The following ENPP1 variants were observed in gnomAD, a reference collection of about 807,000 sequenced individuals.
ENPP1 encodes ectonucleotide pyrophosphatase/phosphodiesterase family member 1.
In ENPP1, 73 loss-of-function variants were observed where a neutral mutation model predicts 122.8. That is an observed-to-expected ratio of 0.59 (90% CI 0.49 to 0.72). The LOEUF is 0.72. ENPP1 is among the 30% of genes least tolerant of loss of function. ENPP1 has a pLI of 0.00. For synonymous variants in ENPP1, 367 were observed against 391.6 expected (o/e 0.94, Z 0.74); for missense variants, 978 against 1,128.1 (o/e 0.87, Z 1.91).
chr6:131,836,834 T>C (rs915434566), intron 1 of ENPP1, among the ~76,000 whole-genome samples: 2 of 152,220 alleles, frequency 1.3e-5, no homozygotes, highest in Admixed American at 1.3e-4. Context: ...TTATGGAAAG[T>C]GCGGTACTGG....
intron 1 of ENPP1, among the ~76,000 whole-genome samples, chr6:131,835,346 G>C (rs771048518): frequency 1.1e-4 from 17 of 152,100 alleles, no homozygotes; most frequent in Admixed American, 2.6e-4. Flanking sequence ...CTTTGAGTCT[G>C]TTCTTCAAAT....
intron 19 of ENPP1, among the ~76,000 whole-genome samples, chr6:131,879,309 C>G (rs1782272481): frequency 6.6e-6 from 1 of 152,118 alleles, no homozygotes; most frequent in African/African-American, 2.4e-5. Context: ...ACTATATGTT[C>G]ATGGAAATAG....
At position 131,847,831 on chromosome 6, in the gene ENPP1, C is replaced by A; in HGVS notation, c.296C>A (p.Pro99Gln). 1 of 1,606,772 alleles carries A rather than the reference C, an allele frequency of 6.2e-7. No individual in the cohort carries two copies. The highest frequency in any genetic ancestry group is 8.5e-7 in the Non-Finnish European group (1 of 1,176,018). The change falls in exon 2 of 25, where the codon CCA becomes CAA. Residue 99 changes from proline to glutamine, a missense_variant. Coordinates refer to ENST00000647893, the MANE Select transcript of ENPP1 (RefSeq NM_006208.3). ...TILGCIFGLK[P>Q]SCAKEVKSCK... The stretch of plus-strand genomic sequence containing the variant: ...CTTGGTTGTATATTTGGGTTGAAAC[C>A]AAGCTGTGCCAAAGAAGGTAATTAG...
chr6:131,845,496 G>A (rs558429999), intron 1 of ENPP1, among the ~76,000 whole-genome samples: 21 of 133,406 alleles, frequency 1.6e-4, no homozygotes, highest in Non-Finnish European at 3.1e-4. Flanking sequence ...TTGCTCTGTC[G>A]CCCAGGCTGG....
intron 14 of ENPP1, 92 bp from the exon 15 acceptor site, chr6:131,872,831 T>G (rs1782179459): frequency 7.8e-7 from 1 of 1,285,564 alleles, no homozygotes; most frequent in Non-Finnish European, 1.1e-6. Context: ...TAGGGAAATA[T>G]CTTTCCCTAA....
chr6:131,881,974 C>T (rs967036818), intron 20 of ENPP1, among the ~76,000 whole-genome samples: 4 of 151,912 alleles, frequency 2.6e-5, no homozygotes, highest in Admixed American at 6.5e-5. Context: ...GCCGAGATTG[C>T]GCCGCTGCCC....
At chr6:131,880,266 TA>T (rs1424831792) in intron 20 of ENPP1, among the ~76,000 whole-genome samples, 3 of 152,120 alleles carry the variant, frequency 2.0e-5, no homozygotes, top group African/African-American at 7.2e-5. Flanking sequence ...GGTCGTGCAG[TA>T]AAGATTCTCT....
At chr6:131,826,675 C>G in intron 1 of ENPP1, 1 of 694,628 alleles carries the variant, frequency 1.4e-6, no homozygotes, top group Non-Finnish European at 2.4e-6. Flanking sequence ...AGCCAGTTTG[C>G]TTCCCTCATT....
intron 1 of ENPP1, chr6:131,820,048 T>G: frequency 1.8e-6 from 1 of 542,226 alleles, no homozygotes; most frequent in Non-Finnish European, 3.5e-6. Flanking sequence ...CCATGGAGAC[T>G]GACTCCAGCT....
chr6:131,869,313 T>C, intron 12 of ENPP1, 45 bp from the exon 13 acceptor site: 1 of 1,605,342 alleles, frequency 6.2e-7, no homozygotes, highest in South Asian at 1.1e-5. Context: ...TATTAAATTT[T>C]TTGTTAAAGT....
In ENPP1 at chr6:131,893,031, C is replaced by G. The variant is rs929953159; in HGVS notation, c.*2520C>G. On this transcript the variant is annotated 3_prime_UTR_variant, in exon 25 of 25. Coordinates refer to ENST00000647893, the MANE Select transcript of ENPP1 (RefSeq NM_006208.3). ...TGTTGTTACTTGGGCCCCAATGTTC[C>G]TAGCCTATTTTCTGTCTACTATTCA... is the stretch of plus-strand genomic sequence containing the variant. 10 of 152,294 alleles carry G rather than the reference C, an allele frequency of 6.6e-5. No individual in the cohort carries two copies. Among genetic ancestry groups the G allele is most frequent in the African/African-American group, 2.2e-4 (9 of 41,562 alleles). The allele number at this position is 152,294 out of a possible 1,614,324, so 9.4% of individuals were successfully genotyped here.
chr6:131,871,036 A>T (rs996704597), intron 13 of ENPP1, among the ~76,000 whole-genome samples: 1 of 152,020 alleles, frequency 6.6e-6, no homozygotes, highest in Non-Finnish European at 1.5e-5. Flanking sequence ...AGATTGCGCC[A>T]CTGCACTCCA....
chr6:131,890,189 C>T (rs1782448557), intron 24 of ENPP1, 152 bp from the exon 25 acceptor site: 1 of 692,318 alleles, frequency 1.4e-6, no homozygotes, highest in Non-Finnish European at 2.6e-6. Context: ...GAAAGCTACT[C>T]AAGAGGAGAG....
chr6:131,815,303 C>A (rs1248682872), intron 1 of ENPP1, among the ~76,000 whole-genome samples: 2 of 152,108 alleles, frequency 1.3e-5, no homozygotes, highest in Admixed American at 1.3e-4. Flanking sequence ...TACACCAAGG[C>A]CTCTTTGGTT....
chr6:131,881,643 G>T (rs1054727436), intron 20 of ENPP1, among the ~76,000 whole-genome samples: 5 of 152,050 alleles, frequency 3.3e-5, no homozygotes, highest in South Asian at 2.1e-4. Flanking sequence ...CAACACTTTG[G>T]GGGGCTGAGG....
chr6:131,882,435 A>T lies in ENPP1; in HGVS notation c.2191A>T (p.Asn731Tyr), dbSNP rs748292010. 5.0e-6 allele frequency: 8 copies of T among 1,610,224 alleles called. No homozygotes were observed. The highest frequency in any genetic ancestry group is 6.8e-6 in the Non-Finnish European group (8 of 1,177,556). ...SPVHKCSFYK[N>Y]NTKVSYGFLS... The stretch of plus-strand genomic sequence containing the variant: ...TGTCCATAAATGTTCATTTTATAAA[A>T]ATAACACCAAAGTGAGTTACGGGTT... Residue 731 changes from asparagine (N) to tyrosine (Y), a missense_variant, in exon 21 of 25, where the codon AAT (asparagine) becomes TAT (tyrosine). Asn to Tyr is a moderately radical substitution (Grantham distance 143). Coordinates refer to ENST00000647893, the MANE Select transcript of ENPP1 (RefSeq NM_006208.3).
At chr6:131,827,697 T>A (rs1197498851) in intron 1 of ENPP1, 1 of 661,378 alleles carries the variant, frequency 1.5e-6, no homozygotes, top group East Asian at 2.9e-5. Context: ...ATCTTCTCAC[T>A]TTTTCAAAGA....
intron 9 of ENPP1, among the ~76,000 whole-genome samples, chr6:131,862,150 CAA>C (rs1013426029): frequency 7.9e-5 from 12 of 151,912 alleles, no homozygotes; most frequent in African/African-American, 2.7e-4. Flanking sequence ...GCCTGGGCGA[CAA>C]GAGCGAAACT....
In ENPP1 at chr6:131,880,141, C is replaced by A. The variant is rs1048513301; in HGVS notation, c.2100+107C>A. 3.5e-6 allele frequency: 4 copies of A among 1,129,884 alleles called. No homozygotes were observed. The East Asian group carries it at 7.1e-5, about 20-fold the overall frequency. The allele number at this position is 1,129,884 out of a possible 1,614,324, so 70.0% of individuals were successfully genotyped here. ...TCACCTTGGCTTTATACTCAGTTCC[C>A]GCATTAGAGGAACACTGAAGAGGGA... On this transcript the variant is annotated intron_variant, in intron 20 of 24. Transcript: ENST00000647893.
Sources: allele counts gnomAD v4.1 joint callset (sites outside exome capture counted in the v4.1 genomes callset), GRCh38; gene constraint gnomAD v4.1.1; transcripts MANE v1.5; gene names NCBI Gene and HGNC (gene_info 2026-07-23, HGNC 2026-07-21).